PPP2R5C: variants seen among roughly 807,000 people sequenced by gnomAD.
PPP2R5C encodes protein phosphatase 2 regulatory subunit B'gamma.
A neutral mutation model predicts 68.9 loss-of-function variants in PPP2R5C; 7 were observed. The observed-to-expected ratio is 0.10, with a 90% CI of 0.06 to 0.19. PPP2R5C has a LOEUF of 0.19. Among genes scored for constraint, PPP2R5C ranks in the 10% least tolerant of loss-of-function variants. PPP2R5C has a pLI of 1.00. For missense variants in PPP2R5C, 348 were observed against 641.3 expected (o/e 0.54, Z 4.94); for synonymous variants, 210 against 222.2 (o/e 0.95, Z 0.49).
intron 1 of PPP2R5C, among the ~76,000 whole-genome samples, chr14:101,830,103 G>A (rs2040647416): frequency 1.3e-5 from 2 of 152,126 alleles, no homozygotes; most frequent in South Asian, 2.1e-4. Context: ...GTAAAGAAAA[G>A]CATCTATATT....
At chr14:101,761,852 C>T (rs1479057812), upstream of PPP2R5C, 7 of 1,051,094 alleles carry the variant, frequency 6.7e-6, no homozygotes, top group African/African-American at 1.8e-5. Flanking sequence ...CGGGGGCAGG[C>T]GGCGGCAGGG....
intron 1 of PPP2R5C, among the ~76,000 whole-genome samples, chr14:101,844,393 A>G (rs1177473655): frequency 1.3e-5 from 2 of 152,102 alleles, no homozygotes; most frequent in Admixed American, 6.5e-5. Flanking sequence ...GGCACGTGAC[A>G]TGGTACCCGT....
In PPP2R5C at chr14:101,913,799, T is replaced by C. The variant is rs75023275; in HGVS notation, c.1326+1326T>C. Among the ~76,000 whole-genome samples the C allele has an allele frequency of 0.03, 4,495 of 152,270 alleles. 112 individuals carry two copies. Among genetic ancestry groups the C allele is most frequent in the Non-Finnish European group, 0.04 (2,704 of 68,026 alleles). Reference sequence around the variant, plus strand: ...GAGCCTCAGGCAAAGTGGGTGCTGATAGCCCTCAGGATTGTCAAGGACCCC... The same window carrying C: ...GAGCCTCAGGCAAAGTGGGTGCTGACAGCCCTCAGGATTGTCAAGGACCCC... On this transcript the variant is annotated intron_variant, in intron 12 of 13. Coordinates refer to ENST00000334743, the Ensembl canonical transcript of PPP2R5C. This position sits in a 1 kb window ranked among gnomAD's most constrained non-coding sequence, Gnocchi z 4.1.
chr14:101,914,237 TG>T (rs2046538700), intron 12 of PPP2R5C: 1 of 455,066 alleles, frequency 2.2e-6, no homozygotes, highest in African/African-American at 2.0e-5. Context: ...AGCCCTGCCT[TG>T]TCCTCATGTC....
intron 5 of PPP2R5C, among the ~76,000 whole-genome samples, chr14:101,884,507 A>G (rs2140910065): frequency 6.6e-6 from 1 of 152,318 alleles, no homozygotes; most frequent in Non-Finnish European, 1.5e-5. Flanking sequence ...GATGTCATTC[A>G]TCTGTAGAAA....
chr14:101,760,731 G>A (rs1435220062), upstream of PPP2R5C: 31 of 888,704 alleles, frequency 3.5e-5, no homozygotes, highest in Non-Finnish European at 3.9e-5. Flanking sequence ...GAGCTGGTGA[G>A]GGGAGGGGCT....
At chr14:101,872,421 G>A (rs934489651) in intron 2 of PPP2R5C, among the ~76,000 whole-genome samples, 10 of 151,330 alleles carry the variant, frequency 6.6e-5, no homozygotes, top group African/African-American at 2.4e-4. Flanking sequence ...TACTTTTTGT[G>A]GAGACAGGGT....
intron 2 of PPP2R5C, among the ~76,000 whole-genome samples, chr14:101,869,549 G>A (rs761583985): frequency 3.9e-5 from 6 of 152,190 alleles, no homozygotes; most frequent in Admixed American, 3.9e-4. Context: ...CCAACAGTGC[G>A]TGAGTTCTCA....
At chr14:101,914,222 A>AGCTT (rs1453046954) in intron 12 of PPP2R5C, 1 of 455,890 alleles carries the variant, frequency 2.2e-6, no homozygotes, top group South Asian at 1.5e-5. Flanking sequence ...TGATGCTGGG[A>AGCTT]GCTTAGCCCT....
intron 1 of PPP2R5C, chr14:101,824,279 C>T (rs1041105065): frequency 1.5e-5 from 15 of 987,026 alleles, no homozygotes; most frequent in African/African-American, 5.1e-5. Context: ...GAAGTTCTTG[C>T]GGGGTAGGAG....
At chr14:101,769,477 G>A (rs2037038559) in intron 2 of PPP2R5C, among the ~76,000 whole-genome samples, 1 of 152,096 alleles carries the variant, frequency 6.6e-6, no homozygotes, top group African/African-American at 2.4e-5. Flanking sequence ...TGATTTTTCT[G>A]ATACTGTAAA....
intron 1 of PPP2R5C, among the ~76,000 whole-genome samples, chr14:101,821,454 T>TGC (rs1316543198): frequency 7.0e-6 from 1 of 143,828 alleles, no homozygotes; most frequent in African/African-American, 2.7e-5. Context: ...GGTGGGTGGG[T>TGC]GTGTGTGTGT....
At position 101,886,084 on chromosome 14, in the gene PPP2R5C, A is replaced by G. The variant is rs568098362; in HGVS notation, c.629+2522A>G. Among the ~76,000 whole-genome samples, 5 of 152,062 alleles carry G rather than the reference A, an allele frequency of 3.3e-5. No homozygotes were observed. The East Asian group carries it at 5.8e-4, about 18-fold the overall frequency. On this transcript the variant is annotated intron_variant, in intron 5 of 13. Coordinates refer to ENST00000334743, the Ensembl canonical transcript of PPP2R5C. ...ATCACAAGGTCAGGAGATCGAGACC[A>G]TACTGGCTAACACGGTGAAACCCCA...
At chr14:101,830,290 T>G (rs2040658713) in intron 1 of PPP2R5C, among the ~76,000 whole-genome samples, 1 of 152,242 alleles carries the variant, frequency 6.6e-6, no homozygotes, top group Non-Finnish European at 1.5e-5. Context: ...AACCTTTGAT[T>G]ATCACAAGTA....
exon 14 of PPP2R5C, chr14:101,925,483 A>G (rs2038947748): frequency 3.8e-6 from 3 of 790,540 alleles, no homozygotes; most frequent in Non-Finnish European, 5.6e-6. Context: ...CGGGTTGACG[A>G]CGGTGTCCTC....
chr14:101,885,249 A>G (rs1374036583), intron 5 of PPP2R5C, among the ~76,000 whole-genome samples: 1 of 152,214 alleles, frequency 6.6e-6, no homozygotes, highest in East Asian at 1.9e-4. Context: ...GGGAAAAGAA[A>G]AGGGGCATCT....
rs1412128114 is a variant in PPP2R5C, at chr14:101,891,194, G to A, written c.689+898G>A. On this transcript the variant is annotated intron_variant, in intron 6 of 13. Transcript: ENST00000334743. This position sits in a 1 kb window ranked among gnomAD's most constrained non-coding sequence, Gnocchi z 4.9. ...GTGCTTTTTCCTGCACCTTTTTAGG[G>A]ATGTAGTGTAGATGGGCAGTTCCGG... 2.0e-5 allele frequency among the ~76,000 whole-genome samples: 3 copies of A among 152,092 alleles called. No individual in the cohort carries two copies. Among genetic ancestry groups the A allele is most frequent in the Non-Finnish European group, 2.9e-5 (2 of 68,018 alleles).
At chr14:101,900,413 G>A (rs2045610108) in intron 8 of PPP2R5C, among the ~76,000 whole-genome samples, 1 of 152,232 alleles carries the variant, frequency 6.6e-6, no homozygotes, top group African/African-American at 2.4e-5. Flanking sequence ...ACGACCAGGC[G>A]GTCCCGGGGG....
At chr14:101,912,649 T>C (rs972218711) in intron 12 of PPP2R5C, 176 bp downstream of exon 14, 3 of 1,271,660 alleles carry the variant, frequency 2.4e-6, no homozygotes, top group African/African-American at 1.6e-5. Context: ...CAAGTACTTA[T>C]TTTGCCCCAT....
Sources: allele counts gnomAD v4.1 joint callset (sites outside exome capture counted in the v4.1 genomes callset), GRCh38; gene constraint gnomAD v4.1.1; non-coding constraint Gnocchi (gnomAD v3.1); transcripts MANE v1.5; gene names NCBI Gene and HGNC (gene_info 2026-07-23, HGNC 2026-07-21).